The following NOL4 variants were observed in gnomAD, a reference collection of about 807,000 sequenced individuals.
NOL4 encodes the protein cancer/testis antigen 125.
Under a neutral mutation model 75.9 loss-of-function variants are expected in NOL4, and 17 were observed. The observed-to-expected ratio is 0.22, with a 90% CI of 0.15 to 0.34. NOL4 has a LOEUF of 0.34. Among genes scored for constraint, NOL4 ranks in the 10% least tolerant of loss-of-function variants. The probability of loss-of-function intolerance (pLI) is 1.00; values close to 1 mark genes in which losing one functional copy is unlikely to be tolerated. For synonymous variants in NOL4, 292 were observed against 289.9 expected (o/e 1.01, Z -0.07); for missense variants, 614 against 793.5 (o/e 0.77, Z 2.72).
At chr18:33,968,363 A>G (rs2070775388) in intron 6 of NOL4, among the ~76,000 whole-genome samples, 1 of 152,226 alleles carries the variant, frequency 6.6e-6, no homozygotes, top group African/African-American at 2.4e-5. Flanking sequence ...TCACAATAGC[A>G]AAGACATGGA....
intron 10 of NOL4, among the ~76,000 whole-genome samples, chr18:33,862,968 A>T (rs1038592327): frequency 1.1e-4 from 17 of 152,348 alleles, no homozygotes; most frequent in African/African-American, 2.9e-4. Context: ...AGACACATGC[A>T]CACGTATGTT....
intron 10 of NOL4, among the ~76,000 whole-genome samples, chr18:33,870,422 T>A (rs564297503): frequency 4.8e-4 from 73 of 152,018 alleles, no homozygotes; most frequent in African/African-American, 1.6e-3. Flanking sequence ...GTTCAAGAAA[T>A]CTACTGTATG....
chr18:33,917,196 G>T (rs562034592), intron 9 of NOL4, among the ~76,000 whole-genome samples: 2 of 152,170 alleles, frequency 1.3e-5, no homozygotes, highest in South Asian at 2.1e-4. Flanking sequence ...TCTTGCAAAA[G>T]AAATGACGGG....
At chr18:34,168,585 T>C (rs1349601840) in intron 1 of NOL4, among the ~76,000 whole-genome samples, 1 of 151,142 alleles carries the variant, frequency 6.6e-6, no homozygotes, top group Non-Finnish European at 1.5e-5. Context: ...ATGTTATTTA[T>C]AATATATATT....
chr18:34,043,827 C>T (rs2076244251), intron 5 of NOL4, among the ~76,000 whole-genome samples: 1 of 152,012 alleles, frequency 6.6e-6, no homozygotes, highest in South Asian at 2.1e-4. Flanking sequence ...TTTAGGGTGC[C>T]ATCTCGAAAA....
At chr18:33,898,192 T>A (rs1483012640) in intron 9 of NOL4, among the ~76,000 whole-genome samples, 4 of 152,178 alleles carry the variant, frequency 2.6e-5, no homozygotes, top group African/African-American at 7.2e-5. Flanking sequence ...GGATTATAGA[T>A]GTGAGCCACT....
intron 4 of NOL4, among the ~76,000 whole-genome samples, chr18:34,095,248 T>C (rs1488736591): frequency 7.0e-6 from 1 of 143,810 alleles, no homozygotes; most frequent in African/African-American, 2.6e-5. Context: ...AATTCTAATG[T>C]GTATGTGTGT....
At chr18:34,046,355 C>T (rs1030718922) in intron 5 of NOL4, among the ~76,000 whole-genome samples, 30 of 151,820 alleles carry the variant, frequency 2.0e-4, no homozygotes, top group South Asian at 4.2e-4. Context: ...GAAGAGCAGA[C>T]GGGGCCAAAC....
chr18:33,915,080 T>C (rs1457230962), intron 9 of NOL4, among the ~76,000 whole-genome samples: 1 of 152,094 alleles, frequency 6.6e-6, no homozygotes, highest in Non-Finnish European at 1.5e-5. Context: ...AGGAAAAGAA[T>C]TCGTATGTTG....
intron 6 of NOL4, among the ~76,000 whole-genome samples, chr18:33,985,124 A>C (rs148627051): frequency 1.6e-3 from 246 of 152,298 alleles, no homozygotes; most frequent in African/African-American, 5.6e-3. Context: ...TATTTCCCAA[A>C]GAAAAAAGAT....
chr18:34,055,749 G>T (rs1010533861), intron 5 of NOL4, among the ~76,000 whole-genome samples: 2 of 151,666 alleles, frequency 1.3e-5, no homozygotes, highest in Admixed American at 6.6e-5. Context: ...TTTGTATATT[G>T]GTCTGATTGA....
intron 1 of NOL4, among the ~76,000 whole-genome samples, chr18:34,161,376 C>T (rs1317572822): frequency 6.6e-6 from 1 of 152,122 alleles, no homozygotes; most frequent in African/African-American, 2.4e-5. Context: ...GGAGCCTCCA[C>T]ACTATTTTCC....
intron 1 of NOL4, among the ~76,000 whole-genome samples, chr18:34,169,307 C>T (rs2032774544): frequency 6.6e-6 from 1 of 151,718 alleles, no homozygotes; most frequent in African/African-American, 2.4e-5. Flanking sequence ...GTATTCTAAG[C>T]TCCTTACATC....
At chr18:34,080,949 A>G (rs537150937) in intron 5 of NOL4, among the ~76,000 whole-genome samples, 52 of 152,336 alleles carry the variant, frequency 3.4e-4, no homozygotes, top group African/African-American at 1.2e-3. Flanking sequence ...GGAAAAAGCC[A>G]AAGTATCTAG....
Position 34,130,036 on chromosome 18 carries a change from CA to C in NOL4, c.265-17del. On this transcript the variant is annotated splice_polypyrimidine_tract_variant and intron_variant, in intron 1 of 10. Coordinates refer to ENST00000261592, the MANE Select transcript of NOL4 (RefSeq NM_003787.5). The stretch of plus-strand genomic sequence containing the variant: ...CTACGCCATCCTGGAAACAAAACAA[CA>C]ACAACAAAAACCCATAAGATTAATA... 1.3e-6 allele frequency: 2 copies of C among 1,518,522 alleles called. No homozygotes were observed. The highest frequency in any genetic ancestry group is 1.8e-6 in the Non-Finnish European group (2 of 1,134,458). 94.1% of individuals were successfully genotyped at this position (1,518,522 alleles called of 1,614,324 possible).
chr18:33,965,404 T>A (rs544921818), intron 6 of NOL4, among the ~76,000 whole-genome samples: 1 of 152,154 alleles, frequency 6.6e-6, no homozygotes, highest in Non-Finnish European at 1.5e-5. Context: ...GAGGCAGTAG[T>A]ATTGCTTGAG....
intron 5 of NOL4, among the ~76,000 whole-genome samples, chr18:34,028,727 A>T (rs1033956134): frequency 2.6e-5 from 4 of 152,382 alleles, no homozygotes; most frequent in African/African-American, 9.6e-5. Flanking sequence ...CTACTAAATC[A>T]GAATCTGCAT....
At chr18:34,119,272 G>A (rs1195726523) in intron 2 of NOL4, among the ~76,000 whole-genome samples, 1 of 152,170 alleles carries the variant, frequency 6.6e-6, no homozygotes, top group Non-Finnish European at 1.5e-5. Context: ...TTGAATGCCT[G>A]TTAAAGACCA....
At chr18:34,154,798 T>C (rs1320125108) in intron 1 of NOL4, among the ~76,000 whole-genome samples, 2 of 152,028 alleles carry the variant, frequency 1.3e-5, no homozygotes, top group African/African-American at 2.4e-5. Context: ...TTGCTCAACA[T>C]TCTCACAAAC....
Sources: gnomAD v4.1 joint callset for allele counts (sites outside exome capture counted in the v4.1 genomes callset) on GRCh38, gnomAD v4.1.1 for gene constraint, MANE v1.5 for transcripts, NCBI Gene and HGNC (gene_info 2026-07-23, HGNC 2026-07-21) for gene names.